Variants in LGALS9C observed in about 807,000 individuals in gnomAD.
LGALS9C encodes galectin-9C.
In LGALS9C, 7 loss-of-function variants were observed where a neutral mutation model predicts 41.3. The observed-to-expected ratio is 0.17, with a 90% CI of 0.10 to 0.32. LGALS9C has a LOEUF of 0.32. LGALS9C is among the 10% of genes least tolerant of loss of function. The pLI is 1.00. For missense variants in LGALS9C, 102 were observed against 455.2 expected, an observed-to-expected ratio of 0.22 and a Z score of 7.06; for synonymous variants, 44 against 171.0, an observed-to-expected ratio of 0.26 and a Z score of 5.80.
Position 18,476,863 on chromosome 17 carries a change from C to T in LGALS9C, c.9C>T (p.Phe3=). 1 of 1,601,488 alleles carries T rather than the reference C, an allele frequency of 6.2e-7. No individual in the cohort carries two copies. MA[F]SGCQAPYLSP... ...ACAGAGGCGGTGGAGAGATGGCCTT[C>T]AGCGGTTGCCAGGCTCCCTATCTGA... The change falls in exon 1 of 11, where the codon TTC becomes TTT. Residue 3 remains phenylalanine (F), a synonymous_variant. Transcript: ENST00000328114.
rs369301587 is a variant in LGALS9C at position 18,476,903 on chromosome 17, G to A, written c.39+10G>A. 442 of 1,598,048 alleles carry A rather than the reference G, an allele frequency of 2.8e-4. 3 individuals are homozygous for A. The highest frequency in any genetic ancestry group is 8.5e-4 in the East Asian group (38 of 44,726). ...TCCCTATCTGAGCCCAGTGAGTTCC[G>A]GGGCCGTGGGCACAGGGCTGCCTCA... On this transcript the variant is annotated intron_variant, in intron 1 of 10. Coordinates refer to ENST00000328114, the MANE Select transcript of LGALS9C (RefSeq NM_001040078.3).
intron 10 of LGALS9C, among the ~76,000 whole-genome samples, chr17:18,493,196 C>T (rs2151674242): frequency 8.2e-6 from 1 of 121,672 alleles, no homozygotes; most frequent in East Asian, 2.0e-4. Flanking sequence ...CTGTCGCCCG[C>T]TTTGTGCAGG....
chr17:18,486,048 G>T lies in LGALS9C; in HGVS notation c.246G>T (p.Trp82Cys), dbSNP rs752583425. 5.5e-6 allele frequency: 7 copies of T among 1,279,118 alleles called. 2 individuals are homozygous for T. 79.2% of individuals were successfully genotyped at this position (1,279,118 alleles called of 1,614,324 possible). A position where few individuals can be genotyped will look rare whatever the true frequency, so the allele number is the denominator to read the frequency against. Reference protein sequence around the residue: ...VVCNTRQKGTWGPEERKMHMP... With the variant: ...VVCNTRQKGTCGPEERKMHMP... ...GCAACACGAGGCAGAAAGGAACATGGGGGCCCGAGGAGAGGAAGATGCACA... is the reference window on the plus strand; with the variant it reads ...GCAACACGAGGCAGAAAGGAACATGTGGGCCCGAGGAGAGGAAGATGCACA... The change falls in exon 3 of 11, where the codon TGG (tryptophan) becomes TGT (cysteine). Residue 82 changes from tryptophan to cysteine, a missense_variant. Coordinates refer to ENST00000328114, the MANE Select transcript of LGALS9C (RefSeq NM_001040078.3).
At chr17:18,490,652 CT>C (rs1989769518) in intron 5 of LGALS9C, 80 bp from the exon 6 acceptor site, 1 of 483,460 alleles carries the variant, frequency 2.1e-6, no homozygotes, top group African/African-American at 2.2e-5. Flanking sequence ...GCACAAGAGC[CT>C]CCCTGGAGTT....
At chr17:18,478,219 T>C (rs1240616199) in intron 1 of LGALS9C, among the ~76,000 whole-genome samples, 3 of 129,572 alleles carry the variant, frequency 2.3e-5, no homozygotes, top group African/African-American at 7.5e-5. Flanking sequence ...ATTTCTGGTT[T>C]TCTGTCAGAG....
At position 18,494,521 on chromosome 17, in the gene LGALS9C, A is replaced by G. The variant is rs191830248; in HGVS notation, c.*154A>G. On this transcript the variant is annotated 3_prime_UTR_variant, in exon 11 of 11. Transcript: ENST00000328114. ...CTTATCTGGTCCTGCTTCTGGCTACAGCCACCCTGGAATCGAGAAGGCAGC... is the reference window on the plus strand; with the variant it reads ...CTTATCTGGTCCTGCTTCTGGCTACGGCCACCCTGGAATCGAGAAGGCAGC... 2,135 of 1,139,610 alleles carry G rather than the reference A, an allele frequency of 1.9e-3. 26 individuals are homozygous for G. The African/African-American group carries it at 0.022, about 12-fold the overall frequency. The allele number at this position is 1,139,610 out of a possible 1,614,324, so 70.6% of individuals were successfully genotyped here. A position where few individuals can be genotyped will look rare whatever the true frequency, so the allele number is the denominator to read the frequency against.
intron 10 of LGALS9C, among the ~76,000 whole-genome samples, chr17:18,493,871 C>T (rs138263778): frequency 0.2 from 25,703 of 131,532 alleles, 1,805 homozygotes; most frequent in Middle Eastern, 0.3. Flanking sequence ...AACATTTGTA[C>T]CCTGACTGCC....
At chr17:18,493,067 T>C in intron 10 of LGALS9C, among the ~76,000 whole-genome samples, 1 of 125,160 alleles carries the variant, frequency 8.0e-6, no homozygotes, top group Non-Finnish European at 1.9e-5. Flanking sequence ...CTTTTTTAGA[T>C]GAGGAAAGAA....
intron 1 of LGALS9C, among the ~76,000 whole-genome samples, chr17:18,477,172 T>A (rs1327127480): frequency 1.5e-5 from 2 of 131,018 alleles, no homozygotes; most frequent in Admixed American, 1.5e-4. Context: ...AGGTGTAGAG[T>A]GGGATGGTTT....
At position 18,488,680 on chromosome 17, in the gene LGALS9C, T is replaced by C. The variant is rs4387646; in HGVS notation, c.445-261T>C. On this transcript the variant is annotated intron_variant, in intron 4 of 10. Transcript: ENST00000328114. ...CAGCAAATCTGGGCTCCTCACCCTT[T>C]GGTCCTCATCTCTCATTCCCTCCTT... 3.0e-3 allele frequency among the ~76,000 whole-genome samples: 379 copies of C among 125,232 alleles called. 18 individuals are homozygous for C. The East Asian group carries it at 0.073, about 24-fold the overall frequency. The allele number at this position is 125,232 out of a possible 152,430, so 82.2% of individuals were successfully genotyped here. A position where few individuals can be genotyped will look rare whatever the true frequency, so the allele number is the denominator to read the frequency against.
intron 1 of LGALS9C, among the ~76,000 whole-genome samples, chr17:18,482,952 A>C (rs1194394861): frequency 1.6e-5 from 2 of 124,172 alleles, no homozygotes; most frequent in African/African-American, 5.3e-5. Flanking sequence ...CCTCTGTGCC[A>C]GTCTCTTCTA....
rs1214120345 is a variant in LGALS9C at position 18,492,474 on chromosome 17, C to T, written c.690C>T (p.Thr230=). Residue 230 remains threonine (T), a synonymous_variant, in exon 9 of 11, where the codon ACC becomes ACT. Coordinates refer to ENST00000328114, the MANE Select transcript of LGALS9C (RefSeq NM_001040078.3). ...TCTGACAGCCGATGCCTTTCATCAC[C>T]ACCATTCCGGGAGGGCTGTACCCAT... ...PHPAYPMPFI[T]TIPGGLYPSK... 6.5e-7 allele frequency: 1 copy of T among 1,545,876 alleles called. No individual in the cohort carries two copies. The highest frequency in any genetic ancestry group is 2.2e-5 in the East Asian group (1 of 44,810).
In LGALS9C at chr17:18,494,290, C is replaced by T. The variant is rs1989926615; in HGVS notation, c.994C>T (p.His332Tyr). The change falls in exon 11 of 11, where the codon CAT becomes TAT. Residue 332 changes from histidine to tyrosine, a missense_variant. Transcript: ENST00000328114. Reference sequence around the variant, plus strand: ...TGGTCAGCACGTGTTTGAATACTACCATCGCCTGAGGAACCTGCCCACCAT... The same window carrying T: ...TGGTCAGCACGTGTTTGAATACTACTATCGCCTGAGGAACCTGCCCACCAT... ...VDGQHVFEYYHRLRNLPTINK... is the reference protein window; with the variant it reads ...VDGQHVFEYYYRLRNLPTINK... The T allele has an allele frequency of 6.9e-7, 1 of 1,447,740 alleles. No individual in the cohort carries two copies. The highest frequency in any genetic ancestry group is 1.8e-5 in the Admixed American group (1 of 56,900). The allele number at this position is 1,447,740 out of a possible 1,614,324, so 89.7% of individuals were successfully genotyped here.
chr17:18,484,749 C>A (rs1461493725), intron 2 of LGALS9C, among the ~76,000 whole-genome samples: 1 of 151,040 alleles, frequency 6.6e-6, no homozygotes. Context: ...CTCTGGGCCT[C>A]GTAGATGCCA....
chr17:18,493,164 A>G (rs1989884480), intron 10 of LGALS9C, among the ~76,000 whole-genome samples: 1 of 121,684 alleles, frequency 8.2e-6, no homozygotes, highest in African/African-American at 2.8e-5. Flanking sequence ...TCATTTCTTC[A>G]CTGACTCATT....
chr17:18,479,150 G>T (rs1989308204), intron 1 of LGALS9C, among the ~76,000 whole-genome samples: 1 of 99,508 alleles, frequency 1.0e-5, no homozygotes, highest in Admixed American at 9.8e-5. Flanking sequence ...GGTGTCCTCT[G>T]GTGATGCTGA....
At position 18,492,783 on chromosome 17, in the gene LGALS9C, A is replaced by G. The variant is rs570597943; in HGVS notation, c.848A>G (p.Gln283Arg). Reference protein sequence around the residue: ...FDENAVVRNTQINNSWGSEER... With the variant: ...FDENAVVRNTRINNSWGSEER... ...GAGAATGCTGTGGTCCGTAACACCC[A>G]GATCAACAACTCTTGGGGGTCTGAG... The change falls in exon 10 of 11, where the codon CAG (glutamine) becomes CGG (arginine). Residue 283 changes from glutamine (Q) to arginine (R), a missense_variant. Physicochemically the swap from Gln to Arg is conservative, Grantham distance 43. Coordinates refer to ENST00000328114, the MANE Select transcript of LGALS9C (RefSeq NM_001040078.3). The G allele has an allele frequency of 2.1e-5, 32 of 1,518,932 alleles. 2 individuals are homozygous for G. In the South Asian group the frequency reaches 3.3e-4, roughly 16 times the overall value. The allele number at this position is 1,518,932 out of a possible 1,614,324, so 94.1% of individuals were successfully genotyped here.
intron 1 of LGALS9C, 135 bp downstream of exon 1, chr17:18,477,028 G>A (rs1413704475): frequency 9.9e-7 from 1 of 1,014,392 alleles, no homozygotes; most frequent in Non-Finnish European, 1.5e-6. Flanking sequence ...GGGCAGAAAT[G>A]TCAGTGGGGG....
At chr17:18,484,684 T>C (rs1314501872) in intron 2 of LGALS9C, among the ~76,000 whole-genome samples, 6 of 150,596 alleles carry the variant, frequency 4.0e-5, no homozygotes, top group Non-Finnish European at 7.5e-5. Flanking sequence ...TCTGGACTCA[T>C]GGCTCTCTCT....
Sources: gnomAD v4.1 joint callset for allele counts (sites outside exome capture counted in the v4.1 genomes callset) on GRCh38, gnomAD v4.1.1 for gene constraint, MANE v1.5 for transcripts, NCBI Gene and HGNC (gene_info 2026-07-23, HGNC 2026-07-21) for gene names.